SLC67A1: variants seen among roughly 807,000 people sequenced by gnomAD.
The protein encoded by SLC67A1 is solute carrier family 67 member 1.
the SLC67A1 span, among the ~76,000 whole-genome samples, chr11:2,912,714 C>T: frequency 1.3e-5 from 2 of 152,176 alleles, no homozygotes; most frequent in East Asian, 1.9e-4. Flanking sequence ...AGGAGGGACC[C>T]GGGACCTGAG....
the SLC67A1 span, chr11:2,917,997 G>A: frequency 1.7e-4 from 276 of 1,612,770 alleles, no homozygotes; most frequent in Non-Finnish European, 1.3e-4. Flanking sequence ...GGCGGCCCCC[G>A]GGCCAGTGTG....
chr11:2,918,997 C>T, the SLC67A1 span: 263 of 357,664 alleles, frequency 7.4e-4, no homozygotes, highest in African/African-American at 5.4e-3. Context: ...GCTCTTATAA[C>T]AGAGAGCCGT....
the SLC67A1 span, among the ~76,000 whole-genome samples, chr11:2,911,460 G>A: frequency 3.3e-5 from 5 of 152,062 alleles, no homozygotes; most frequent in South Asian, 8.3e-4. Flanking sequence ...GTGGGGAGCC[G>A]GCACCACCCA....
the SLC67A1 span, among the ~76,000 whole-genome samples, chr11:2,906,984 T>A: frequency 6.6e-6 from 1 of 150,960 alleles, no homozygotes; most frequent in Admixed American, 6.6e-5. Context: ...GTGGGGTGAT[T>A]GTCAGGTCAA....
the SLC67A1 span, among the ~76,000 whole-genome samples, chr11:2,911,728 A>G: frequency 3.3e-5 from 5 of 152,282 alleles, no homozygotes; most frequent in South Asian, 1.0e-3. Context: ...TCGCTCAGGC[A>G]GTAAGCCGTG....
At chr11:2,911,729 G>A in the SLC67A1 span, among the ~76,000 whole-genome samples, 1 of 152,212 alleles carries the variant, frequency 6.6e-6, no homozygotes, top group Non-Finnish European at 1.5e-5. Context: ...CGCTCAGGCA[G>A]TAAGCCGTGG....
At chr11:2,917,570 A>G in the SLC67A1 span, among the ~76,000 whole-genome samples, 1 of 152,198 alleles carries the variant, frequency 6.6e-6, no homozygotes, top group South Asian at 2.1e-4. Flanking sequence ...GTGGTACAGT[A>G]TTGCCATTGT....
chr11:2,916,675 T>TA, the SLC67A1 span: 1 of 1,612,928 alleles, frequency 6.2e-7, no homozygotes. Context: ...GGAGCTGTCC[T>TA]CAGCTTCACC....
chr11:2,909,256 G>A, the SLC67A1 span: 2 of 1,537,216 alleles, frequency 1.3e-6, no homozygotes, highest in Non-Finnish European at 1.7e-6. Context: ...CTGCCTTGGC[G>A]CTCTACCTGC....
the SLC67A1 span, chr11:2,909,362 GC>G: frequency 8.8e-4 from 1,206 of 1,373,678 alleles, 4 homozygotes; most frequent in Admixed American, 3.1e-3. Flanking sequence ...GCCAGGTAGG[GC>G]CGGGGGGACT....
the SLC67A1 span, among the ~76,000 whole-genome samples, chr11:2,917,365 A>T: frequency 6.6e-6 from 1 of 152,230 alleles, no homozygotes; most frequent in Admixed American, 6.5e-5. Context: ...GGAGGCTGTC[A>T]TGGAATTAAC....
At chr11:2,911,216 G>A in the SLC67A1 span, among the ~76,000 whole-genome samples, 1 of 152,160 alleles carries the variant, frequency 6.6e-6, no homozygotes, top group African/African-American at 2.4e-5. Flanking sequence ...GAAAAGAGAG[G>A]GGGTCGGGAA....
the SLC67A1 span, chr11:2,902,981 A>C: frequency 4.0e-6 from 1 of 249,108 alleles, no homozygotes; most frequent in East Asian, 9.2e-5. Flanking sequence ...GCCTCCCTCT[A>C]AAAGTGGGGC....
the SLC67A1 span, among the ~76,000 whole-genome samples, chr11:2,911,579 G>A: frequency 0.31 from 47,599 of 152,042 alleles, 8,132 homozygotes; most frequent in African/African-American, 0.37. Context: ...ATCCCAGGGT[G>A]CTGCCCACCC....
the SLC67A1 span, chr11:2,909,466 G>C: frequency 7.0e-7 from 1 of 1,437,232 alleles, no homozygotes; most frequent in Non-Finnish European, 9.1e-7. Context: ...GGCCCTAAGG[G>C]CTGGACGGGG....
At chr11:2,903,063 G>A in the SLC67A1 span, 3 of 529,942 alleles carry the variant, frequency 5.7e-6, no homozygotes, top group Non-Finnish European at 8.9e-6. Context: ...GGAGCAGCTT[G>A]TCCCTGTCTC....
chr11:2,909,320 T>G, the SLC67A1 span: 3 of 1,533,002 alleles, frequency 2.0e-6, no homozygotes, highest in African/African-American at 4.1e-5. Context: ...GCTCTTCGCC[T>G]CGCGCCTGCC....
At chr11:2,899,900 C>T in the SLC67A1 span, 1 of 574,378 alleles carries the variant, frequency 1.7e-6, no homozygotes, top group Middle Eastern at 4.6e-4. Context: ...ATCCCATCTC[C>T]TCCTGCCGCT....
the SLC67A1 span, chr11:2,909,671 T>G: frequency 4.5e-6 from 7 of 1,541,520 alleles, no homozygotes; most frequent in Non-Finnish European, 5.2e-6. Context: ...GGAGTCATCC[T>G]CGGCTCCCTG....
Sources: gnomAD v4.1 joint callset for allele counts (sites outside exome capture counted in the v4.1 genomes callset) on GRCh38, gnomAD v4.1.1 for gene constraint, MANE v1.5 for transcripts, NCBI Gene and HGNC (gene_info 2026-07-23, HGNC 2026-07-21) for gene names.